SPATA9: variants seen among roughly 807,000 people sequenced by gnomAD.
SPATA9 encodes the protein spermatogenesis associated 9, also known as spermatogenesis-associated protein 9.
Under a neutral mutation model 25.5 loss-of-function variants are expected in SPATA9, and 27 were observed. That is an observed-to-expected ratio of 1.06 (90% CI 0.78 to 1.46). The LOEUF is 1.46. SPATA9 is among the 40% of genes most tolerant of loss of function. The pLI is 0.00. For synonymous variants in SPATA9, 102 were observed against 105.7 expected, an observed-to-expected ratio of 0.97 and a Z score of 0.21; for missense variants, 282 against 297.5, an observed-to-expected ratio of 0.95 and a Z score of 0.38.
intron 2 of SPATA9, among the ~76,000 whole-genome samples, chr5:95,677,206 T>A (rs1452158271): frequency 6.6e-6 from 1 of 152,256 alleles, no homozygotes; most frequent in East Asian, 1.9e-4. Flanking sequence ...TTGTTTATTT[T>A]CCTTGTTCAT....
upstream of SPATA9, chr5:95,701,236 C>A (rs1754173872): frequency 2.0e-5 from 3 of 152,108 alleles, no homozygotes; most frequent in South Asian, 6.2e-4. Flanking sequence ...GAAGCAGGCT[C>A]AGTCTCTTAC....
At chr5:95,667,794 T>C (rs1323129222) in intron 3 of SPATA9, among the ~76,000 whole-genome samples, 2 of 152,178 alleles carry the variant, frequency 1.3e-5, no homozygotes, top group Non-Finnish European at 2.9e-5. Context: ...TCCCAAATAC[T>C]GGAGGTGGGT....
chr5:95,652,816 G>A (rs924840803), downstream of SPATA9: 13 of 347,800 alleles, frequency 3.7e-5, no homozygotes, highest in Admixed American at 1.4e-4. Flanking sequence ...AACCCCCTGC[G>A]GCAAGCCACC....
chr5:95,686,578 A>G (rs1323036894), upstream of SPATA9, among the ~76,000 whole-genome samples: 1 of 152,236 alleles, frequency 6.6e-6, no homozygotes, highest in African/African-American at 2.4e-5. Context: ...TTTTATATAA[A>G]TCAATCGAGC....
upstream of SPATA9, among the ~76,000 whole-genome samples, chr5:95,700,861 A>G (rs1000098606): frequency 1.3e-5 from 2 of 152,208 alleles, no homozygotes; most frequent in Non-Finnish European, 2.9e-5. Context: ...GTTCTAAGCC[A>G]TGTTATCACA....
At chr5:95,731,598 G>T in the SPATA9 span, 33 of 1,589,030 alleles carry the variant, frequency 2.1e-5, no homozygotes, top group South Asian at 2.6e-4. Flanking sequence ...AGCGGATTGC[G>T]GGTGAACTCG....
At chr5:95,662,793 G>C (rs1319272148) in intron 4 of SPATA9, among the ~76,000 whole-genome samples, 1 of 152,184 alleles carries the variant, frequency 6.6e-6, no homozygotes, top group Admixed American at 6.5e-5. Flanking sequence ...AATATATGCA[G>C]AGGTACTCAA....
downstream of SPATA9, chr5:95,652,257 C>A: frequency 6.5e-7 from 1 of 1,548,326 alleles, no homozygotes. Context: ...AACCTCTCTT[C>A]CACCTGACCT....
At chr5:95,659,389 T>G (rs1308472331) in intron 4 of SPATA9, 3 of 154,834 alleles carry the variant, frequency 1.9e-5, no homozygotes, top group African/African-American at 7.2e-5. Flanking sequence ...AGCAAATATG[T>G]GATCCACTGT....
At chr5:95,705,450 T>G in the SPATA9 span, among the ~76,000 whole-genome samples, 1 of 152,330 alleles carries the variant, frequency 6.6e-6, no homozygotes, top group South Asian at 2.1e-4. Context: ...CAATGACCAT[T>G]TAAAAATATA....
In SPATA9 at chr5:95,675,420, T is replaced by C; in HGVS notation, c.370A>G (p.Asn124Asp). Residue 124 changes from asparagine to aspartate, a missense_variant, in exon 3 of 5, where the codon AAC becomes GAC. Asn to Asp is a conservative substitution (Grantham distance 23). Transcript: ENST00000274432. ...ATGCAGTATTCCCTTACCTGAATGT[T>C]ATATAGGGGTTGCCTCGGCGCATTA... is the stretch of plus-strand genomic sequence containing the variant. ...EVNAPRQPLY[N>D]IQVRKGSLFE... 1 of 1,613,526 alleles carries C rather than the reference T, an allele frequency of 6.2e-7. No homozygotes were observed. Among genetic ancestry groups the C allele is most frequent in the Non-Finnish European group, 8.5e-7 (1 of 1,179,598 alleles).
intron 1 of SPATA9, among the ~76,000 whole-genome samples, chr5:95,691,683 A>T (rs1452366542): frequency 6.6e-6 from 1 of 152,156 alleles, no homozygotes; most frequent in African/African-American, 2.4e-5. Context: ...GTTAATGCCA[A>T]TTATTTTATT....
the SPATA9 span, among the ~76,000 whole-genome samples, chr5:95,729,394 C>G: frequency 6.6e-6 from 1 of 152,132 alleles, no homozygotes; most frequent in African/African-American, 2.4e-5. Flanking sequence ...AAAATGAATA[C>G]TTTCTCCCTT....
chr5:95,656,478 TATC>T (rs3072616), downstream of SPATA9: 23,083 of 585,872 alleles, frequency 0.039, 670 homozygotes, highest in Non-Finnish European at 0.053. Context: ...ATGTAAGGAT[TATC>T]ATCAGGATCA....
chr5:95,731,859 G>A, the SPATA9 span: 2 of 1,612,566 alleles, frequency 1.2e-6, no homozygotes, highest in Admixed American at 1.7e-5. Flanking sequence ...GTCCGTGCAG[G>A]TCCATCCACA....
chr5:95,675,697 C>T, intron 2 of SPATA9, 58 bp from the exon 3 acceptor site: 2 of 1,423,034 alleles, frequency 1.4e-6, no homozygotes, highest in Non-Finnish European at 2.0e-6. Context: ...ATTATTAAAA[C>T]TACTTCCGGC....
At chr5:95,723,372 A>G in the SPATA9 span, among the ~76,000 whole-genome samples, 2 of 152,198 alleles carry the variant, frequency 1.3e-5, no homozygotes, top group Non-Finnish European at 2.9e-5. Flanking sequence ...TTGCAATTTA[A>G]AAGAAATTGA....
At chr5:95,672,455 GTT>G (rs35342619) in intron 3 of SPATA9, among the ~76,000 whole-genome samples, 7 of 143,138 alleles carry the variant, frequency 4.9e-5, no homozygotes, top group Admixed American at 7.0e-5. Context: ...GCCAAAAGAG[GTT>G]TTTTTTTTTT....
At chr5:95,670,343 A>G (rs1429369727) in intron 3 of SPATA9, 1 of 152,188 alleles carries the variant, frequency 6.6e-6, no homozygotes, top group East Asian at 1.9e-4. Context: ...TTTGTTTCCA[A>G]AGGAAGTCAC....
Sources: gnomAD v4.1 joint callset for allele counts (sites outside exome capture counted in the v4.1 genomes callset) on GRCh38, gnomAD v4.1.1 for gene constraint, MANE v1.5 for transcripts, NCBI Gene and HGNC (gene_info 2026-07-23, HGNC 2026-07-21) for gene names.